LYRM4: variants seen among roughly 807,000 people sequenced by gnomAD.
LYRM4 encodes the protein LYR motif-containing protein 4.
A neutral mutation model predicts 11.7 loss-of-function variants in LYRM4; 9 were observed. The observed-to-expected ratio is 0.77, with a 90% CI of 0.46 to 1.34. The LOEUF (loss-of-function observed/expected upper bound fraction) is 1.34, where lower values mean the gene tolerates loss of function less well. Among genes scored for constraint, LYRM4 ranks in the 40% most tolerant of loss-of-function variants. LYRM4 has a pLI of 0.00. For synonymous variants in LYRM4, 42 were observed against 40.4 expected, an observed-to-expected ratio of 1.04 and a Z score of -0.15; for missense variants, 133 against 112.5, an observed-to-expected ratio of 1.18 and a Z score of -0.82.
intron 2 of LYRM4, among the ~76,000 whole-genome samples, chr6:5,178,677 C>G (rs888450809): frequency 6.6e-6 from 1 of 150,840 alleles, no homozygotes; most frequent in Admixed American, 6.6e-5. Flanking sequence ...GCCGGGCCTG[C>G]ACCTGTAATC....
At chr6:5,215,142 C>G (rs1762203685) in intron 2 of LYRM4, among the ~76,000 whole-genome samples, 1 of 152,186 alleles carries the variant, frequency 6.6e-6, no homozygotes, top group Admixed American at 6.5e-5. Context: ...TTTACAATCC[C>G]CCTTTTCTAG....
intron 1 of LYRM4, among the ~76,000 whole-genome samples, chr6:5,221,884 C>T (rs1267239429): frequency 1.3e-5 from 2 of 152,184 alleles, no homozygotes; most frequent in Admixed American, 1.3e-4. Flanking sequence ...TTTCCACATC[C>T]CTTCTGAATC....
At chr6:5,073,449 CTA>C in the LYRM4 span, among the ~76,000 whole-genome samples, 1 of 149,438 alleles carries the variant, frequency 6.7e-6, no homozygotes, top group Non-Finnish European at 1.5e-5. Flanking sequence ...GTGGGTCACA[CTA>C]TGTGTATATA....
chr6:5,190,734 A>G (rs555156915), intron 2 of LYRM4, among the ~76,000 whole-genome samples: 25 of 152,296 alleles, frequency 1.6e-4, no homozygotes, highest in African/African-American at 5.1e-4. Context: ...GGCTGATGTT[A>G]AATCTAGTGT....
chr6:5,243,130 G>A (rs1763985068), intron 1 of LYRM4, among the ~76,000 whole-genome samples: 1 of 152,310 alleles, frequency 6.6e-6, no homozygotes, highest in East Asian at 1.9e-4. Context: ...CTTCAAGGGC[G>A]AATTTGAAGG....
chr6:5,091,886 T>G, the LYRM4 span, among the ~76,000 whole-genome samples: 1 of 151,190 alleles, frequency 6.6e-6, no homozygotes, highest in South Asian at 2.1e-4. Flanking sequence ...TTAAGGAAAT[T>G]GGGCTGGTAT....
At chr6:5,103,659 A>G (rs1266408309), downstream of LYRM4, 1 of 142,458 alleles carries the variant, frequency 7.0e-6, no homozygotes, top group Non-Finnish European at 1.5e-5. Context: ...TTTTTGAGAC[A>G]AGAGTCTCAC....
the LYRM4 span, chr6:5,086,108 CCGCGGCCGAGCGT>C: frequency 1.8e-5 from 26 of 1,463,148 alleles, no homozygotes; most frequent in Admixed American, 5.5e-4. Flanking sequence ...GGGCCGAGCG[CCGCGGCCGAGCGT>C]CTGCAGCGGC....
chr6:5,229,023 A>G (rs1212963535), intron 1 of LYRM4, among the ~76,000 whole-genome samples: 2 of 151,578 alleles, frequency 1.3e-5, no homozygotes, highest in African/African-American at 2.4e-5. Flanking sequence ...AAAAAAAAAA[A>G]AAAGAATATT....
chr6:5,161,787 T>A (rs1190665704), intron 2 of LYRM4, among the ~76,000 whole-genome samples: 2 of 152,166 alleles, frequency 1.3e-5, no homozygotes, highest in African/African-American at 4.8e-5. Context: ...ATCAGTGTAG[T>A]AGGGCTGAGG....
At chr6:5,240,879 G>C (rs889116432) in intron 1 of LYRM4, among the ~76,000 whole-genome samples, 1 of 152,190 alleles carries the variant, frequency 6.6e-6, no homozygotes, top group African/African-American at 2.4e-5. Flanking sequence ...ACACTGGAAC[G>C]CGTCAGTCTT....
At chr6:5,094,686 GTCTGTTCAAT>G in the LYRM4 span, among the ~76,000 whole-genome samples, 7 of 152,150 alleles carry the variant, frequency 4.6e-5, no homozygotes, top group Non-Finnish European at 8.8e-5. Context: ...GCTTGAAAAT[GTCTGTTCAAT>G]TCTGAGGATT....
chr6:5,207,717 AT>A (rs1307711289), intron 2 of LYRM4, among the ~76,000 whole-genome samples: 2 of 152,110 alleles, frequency 1.3e-5, no homozygotes, highest in Non-Finnish European at 2.9e-5. Flanking sequence ...GAACTTTCAC[AT>A]TTTCGGAGTG....
intron 2 of LYRM4, among the ~76,000 whole-genome samples, chr6:5,189,390 T>G (rs911261674): frequency 1.3e-5 from 2 of 151,682 alleles, no homozygotes; most frequent in African/African-American, 4.9e-5. Flanking sequence ...AGCCTAAGGT[T>G]AGTGCTTAGC....
chr6:5,201,165 A>T (rs1761370444), intron 2 of LYRM4, among the ~76,000 whole-genome samples: 1 of 152,112 alleles, frequency 6.6e-6, no homozygotes, highest in African/African-American at 2.4e-5. Context: ...TTAGAGTGCA[A>T]CATGGGTATC....
intron 2 of LYRM4, among the ~76,000 whole-genome samples, chr6:5,153,742 C>T (rs1003244903): frequency 2.6e-5 from 4 of 152,042 alleles, no homozygotes; most frequent in Admixed American, 6.5e-5. Flanking sequence ...GTACGGTGCT[C>T]GACACATAAA....
At position 5,119,820 on chromosome 6, in the gene LYRM4, A is replaced by AC. The variant is rs1297243683; in HGVS notation, c.208-10330dup. ...AAAAAAAAAAAAAAAAAAAAAAAAA[A>AC]CAACCACAAAAAAGGCCCACCATGT... On this transcript the variant is annotated intron_variant, in intron 2 of 2. Transcript: ENST00000330636. Among the ~76,000 whole-genome samples the AC allele has an allele frequency of 4.0e-5, 6 of 149,084 alleles. No individual in the cohort carries two copies. The East Asian group carries it at 9.8e-4, about 24-fold the overall frequency.
In LYRM4 at chr6:5,216,625, C is replaced by A; in HGVS notation, c.200G>T (p.Arg67Leu). ...ATCATTGAACCATCTTACCTGTCGA[C>A]GAATTACTCCAAGGTCTCTCTTGGC... Reference protein sequence around the residue: ...NKAKRDLGVIRRQVHIGQLYS... With the variant: ...NKAKRDLGVILRQVHIGQLYS... The change falls in exon 2 of 3, where the codon CGT becomes CTT. Residue 67 changes from arginine to leucine, a missense_variant. Transcript: ENST00000330636. 1 of 1,613,958 alleles carries A rather than the reference C, an allele frequency of 6.2e-7. No individual in the cohort carries two copies. The highest frequency in any genetic ancestry group is 8.5e-7 in the Non-Finnish European group (1 of 1,179,994).
intron 1 of LYRM4, among the ~76,000 whole-genome samples, chr6:5,224,766 C>T (rs1581544898): frequency 6.6e-6 from 1 of 151,908 alleles, no homozygotes; most frequent in South Asian, 2.1e-4. Context: ...TTGAGACCAG[C>T]CTGACCAACA....
Sources: gnomAD v4.1 joint callset for allele counts (sites outside exome capture counted in the v4.1 genomes callset) on GRCh38, gnomAD v4.1.1 for gene constraint, MANE v1.5 for transcripts, NCBI Gene and HGNC (gene_info 2026-07-23, HGNC 2026-07-21) for gene names.